NKAIN2: variants seen among roughly 807,000 people sequenced by gnomAD.
NKAIN2 encodes sodium/potassium-transporting ATPase subunit beta-1-interacting protein 2.
Under a neutral mutation model 32.6 loss-of-function variants are expected in NKAIN2, and 14 were observed. The ratio of observed to expected loss-of-function variants is 0.43; its 90% CI spans 0.28 to 0.67. NKAIN2 has a LOEUF of 0.67. Ranked by LOEUF, NKAIN2 falls within the 30% of genes least tolerant of loss-of-function variation. The pLI, the probability that NKAIN2 is intolerant of heterozygous loss-of-function variation, is 0.17. For synonymous variants in NKAIN2, 80 were observed against 87.2 expected, an observed-to-expected ratio of 0.92 and a Z score of 0.46; for missense variants, 198 against 258.3, an observed-to-expected ratio of 0.77 and a Z score of 1.60.
chr6:124,776,069 C>T (rs1014111410), intron 4 of NKAIN2, among the ~76,000 whole-genome samples: 1 of 152,126 alleles, frequency 6.6e-6, no homozygotes, highest in African/African-American at 2.4e-5. Flanking sequence ...TTAAAGCAAA[C>T]CTTAGCCTCC....
At chr6:124,542,787 T>C (rs1056585898) in intron 3 of NKAIN2, among the ~76,000 whole-genome samples, 2 of 152,150 alleles carry the variant, frequency 1.3e-5, no homozygotes, top group African/African-American at 2.4e-5. Context: ...ATCAATATAA[T>C]GCAATAGTTA....
intron 3 of NKAIN2, among the ~76,000 whole-genome samples, chr6:124,369,953 A>T (rs1273466767): frequency 1.4e-5 from 2 of 144,252 alleles, no homozygotes; most frequent in Admixed American, 1.4e-4. Context: ...GGGGGAAATT[A>T]TATAAAAATA....
At chr6:124,196,853 T>C (rs1423993897) in intron 1 of NKAIN2, among the ~76,000 whole-genome samples, 1 of 151,962 alleles carries the variant, frequency 6.6e-6, no homozygotes, top group Non-Finnish European at 1.5e-5. Flanking sequence ...GTTTTCATTT[T>C]CAAACTGAGC....
chr6:124,631,705 T>C (rs1362593876), intron 3 of NKAIN2, among the ~76,000 whole-genome samples: 2 of 152,116 alleles, frequency 1.3e-5, no homozygotes, highest in Non-Finnish European at 2.9e-5. Flanking sequence ...GAGTTAACTA[T>C]AAAGGAGTCT....
chr6:124,726,580 A>C (rs917032763), intron 4 of NKAIN2, among the ~76,000 whole-genome samples: 33 of 150,036 alleles, frequency 2.2e-4, no homozygotes, highest in South Asian at 2.1e-3. Context: ...CAAAGACCAA[A>C]AGTAGATAAA....
At chr6:124,753,295 T>C (rs1359128262) in intron 4 of NKAIN2, among the ~76,000 whole-genome samples, 1 of 152,132 alleles carries the variant, frequency 6.6e-6, no homozygotes, top group Non-Finnish European at 1.5e-5. Context: ...AAGATGCAGC[T>C]TTGCAAAACT....
chr6:124,742,463 C>T (rs920796793), intron 4 of NKAIN2, among the ~76,000 whole-genome samples: 1 of 151,808 alleles, frequency 6.6e-6, no homozygotes, highest in African/African-American at 2.4e-5. Context: ...CTCACCATCA[C>T]TATCACCCCC....
chr6:124,671,824 A>G (rs1406190735), intron 4 of NKAIN2, among the ~76,000 whole-genome samples: 1 of 151,974 alleles, frequency 6.6e-6, no homozygotes, highest in African/African-American at 2.4e-5. Context: ...CAAAATCACC[A>G]TTTCATTTTC....
At chr6:124,387,150 A>G (rs1004910430) in intron 3 of NKAIN2, among the ~76,000 whole-genome samples, 3 of 152,090 alleles carry the variant, frequency 2.0e-5, no homozygotes, top group Non-Finnish European at 4.4e-5. Flanking sequence ...AAAATATATG[A>G]GTGTACACTT....
intron 4 of NKAIN2, among the ~76,000 whole-genome samples, chr6:124,768,258 C>A (rs993798838): frequency 6.6e-6 from 1 of 152,098 alleles, no homozygotes; most frequent in Non-Finnish European, 1.5e-5. Flanking sequence ...GTATAACAAA[C>A]CAGGATGGAG....
chr6:124,576,386 C>T (rs576398852), intron 3 of NKAIN2, among the ~76,000 whole-genome samples: 5 of 152,180 alleles, frequency 3.3e-5, no homozygotes, highest in South Asian at 2.1e-4. Flanking sequence ...TCATTTCAAG[C>T]GGTAGAACTC....
chr6:124,028,567 A>T (rs1000039213), intron 1 of NKAIN2, among the ~76,000 whole-genome samples: 1 of 151,690 alleles, frequency 6.6e-6, no homozygotes, highest in African/African-American at 2.4e-5. Flanking sequence ...AAGGAAATGG[A>T]CTATGGGATC....
chr6:123,964,107 A>G lies in NKAIN2; in HGVS notation c.54+159853A>G, dbSNP rs958213951. On this transcript the variant is annotated intron_variant, in intron 1 of 6. Transcript: ENST00000368417. The surrounding 1 kb of genome is among the most constrained non-coding windows in gnomAD (Gnocchi z 4.0). ...CCAATTACAAAATTACTCCTAGGGG[A>G]AAATACAAGCTGTTTTATGGTGTGA... 4.6e-5 allele frequency among the ~76,000 whole-genome samples: 7 copies of G among 152,170 alleles called. No homozygotes were observed. The highest frequency in any genetic ancestry group is 1.7e-4 in the African/African-American group (7 of 41,446).
chr6:124,589,152 T>C (rs1781817370), intron 3 of NKAIN2, among the ~76,000 whole-genome samples: 1 of 152,092 alleles, frequency 6.6e-6, no homozygotes, highest in Admixed American at 6.5e-5. Flanking sequence ...GAAACAGAAA[T>C]TGTGCAAAAA....
chr6:123,951,981 C>T (rs1261166206), intron 1 of NKAIN2, among the ~76,000 whole-genome samples: 5 of 150,854 alleles, frequency 3.3e-5, no homozygotes, highest in South Asian at 2.1e-4. Context: ...TGTGTGTTTG[C>T]TCTACCTTTG....
intron 1 of NKAIN2, among the ~76,000 whole-genome samples, chr6:123,887,301 T>C (rs142902416): frequency 5.3e-5 from 8 of 152,246 alleles, no homozygotes; most frequent in African/African-American, 1.4e-4. Flanking sequence ...CACTCAGATA[T>C]GACATGCTAT....
intron 1 of NKAIN2, among the ~76,000 whole-genome samples, chr6:124,152,490 T>C (rs1379171700): frequency 2.0e-5 from 3 of 151,910 alleles, no homozygotes; most frequent in African/African-American, 7.2e-5. Flanking sequence ...GAATAACTAC[T>C]ATCAAAAGGA....
At chr6:124,158,885 C>T (rs535802780) in intron 1 of NKAIN2, among the ~76,000 whole-genome samples, 3 of 152,226 alleles carry the variant, frequency 2.0e-5, no homozygotes, top group South Asian at 2.1e-4. Flanking sequence ...GTTTGAAAAA[C>T]GTTTGCTTTC....
Position 123,925,154 on chromosome 6 carries a change from A to G in NKAIN2, c.54+120900A>G, listed in dbSNP as rs1440478070. ...CAATGAATGTGCTTATATGAAGTAC[A>G]CATTTTCTTCATAAGTATAGTGTAT... On this transcript the variant is annotated intron_variant, in intron 1 of 6. Transcript: ENST00000368417. 2.6e-5 allele frequency among the ~76,000 whole-genome samples: 4 copies of G among 152,202 alleles called. No homozygotes were observed. In the East Asian group the frequency reaches 7.7e-4, roughly 29 times the overall value.
Sources: gnomAD v4.1 joint callset for allele counts (sites outside exome capture counted in the v4.1 genomes callset) on GRCh38, gnomAD v4.1.1 for gene constraint, Gnocchi (gnomAD v3.1) non-coding constraint, MANE v1.5 for transcripts, NCBI Gene and HGNC (gene_info 2026-07-23, HGNC 2026-07-21) for gene names.